PLEKHA6: variants seen among roughly 807,000 people sequenced by gnomAD.
PLEKHA6 encodes the protein pleckstrin homology domain-containing family A member 6.
Under a neutral mutation model 116.7 loss-of-function variants are expected in PLEKHA6, and 60 were observed. The observed-to-expected ratio is 0.51, with a 90% CI of 0.42 to 0.64. PLEKHA6 has a LOEUF of 0.64. Among genes scored for constraint, PLEKHA6 ranks in the 30% least tolerant of loss-of-function variants. PLEKHA6 has a pLI of 0.00. For synonymous variants in PLEKHA6, 489 were observed against 556.1 expected, an observed-to-expected ratio of 0.88 and a Z score of 1.70; for missense variants, 1,338 against 1,422.7, an observed-to-expected ratio of 0.94 and a Z score of 0.96.
rs536891647 is a variant in PLEKHA6 at position 204,264,853 on chromosome 1, G to A, written c.381+89C>T. The A allele has an allele frequency of 3.1e-5, 30 of 960,178 alleles. No homozygotes were observed. In the Admixed American group the frequency reaches 4.1e-4, roughly 13 times the overall value. The allele number at this position is 960,178 out of a possible 1,614,324, so 59.5% of individuals were successfully genotyped here. On this transcript the variant is annotated intron_variant, in intron 6 of 22. Coordinates refer to ENST00000272203, the MANE Select transcript of PLEKHA6 (RefSeq NM_014935.5). ...ACCACCACCTGGGATTCCTTAGAGC[G>A]ATGGCTCTTGGCCCTTCTCCATTCC...
Position 204,277,446 on chromosome 1 carries a change from C to T in PLEKHA6, c.-94-2637G>A, listed in dbSNP as rs759101285. Among the ~76,000 whole-genome samples, 15 of 152,140 alleles carry T rather than the reference C, an allele frequency of 9.9e-5. No individual in the cohort carries two copies. Among genetic ancestry groups the T allele is most frequent in the African/African-American group, 1.9e-4 (8 of 41,438 alleles). On this transcript the variant is annotated intron_variant, in intron 1 of 22. Coordinates refer to ENST00000272203, the MANE Select transcript of PLEKHA6 (RefSeq NM_014935.5). This position sits in a 1 kb window ranked among gnomAD's most constrained non-coding sequence, Gnocchi z 4.1. ...TAGTCCGACCTCAGTGAGCTAAGGA[C>T]GCAGAGTAGCTGGACGGGTGAAGGA... is the stretch of plus-strand genomic sequence containing the variant.
chr1:204,271,018 A>C (rs182988304), intron 3 of PLEKHA6, among the ~76,000 whole-genome samples: 3 of 152,240 alleles, frequency 2.0e-5, no homozygotes, highest in African/African-American at 7.2e-5. Flanking sequence ...TTAGCTGCAC[A>C]CTACTCTCCA....
chr1:204,352,693 A>T (rs1035419939), intron 1 of PLEKHA6, among the ~76,000 whole-genome samples: 1 of 152,040 alleles, frequency 6.6e-6, no homozygotes. Flanking sequence ...GAGTTTAAAA[A>T]TTTTTTTTTG....
At chr1:204,271,542 C>T (rs1443588692) in intron 3 of PLEKHA6, among the ~76,000 whole-genome samples, 2 of 152,214 alleles carry the variant, frequency 1.3e-5, no homozygotes, top group African/African-American at 4.8e-5. Context: ...CTAAATCCTT[C>T]CCTTTTCTCT....
chr1:204,366,370 A>G (rs1429239937), intron 3 of PLEKHA6, among the ~76,000 whole-genome samples: 2 of 152,166 alleles, frequency 1.3e-5, no homozygotes, highest in African/African-American at 4.8e-5. Flanking sequence ...GAAGAGCAGG[A>G]AGAAGAGGAG....
At position 204,359,683 on chromosome 1, in the gene PLEKHA6, A is replaced by AACAGACTC. The variant is rs1673514594; in HGVS notation, c.-95+3_-95+10dup. 1.0e-6 allele frequency: 1 copy of AACAGACTC among 981,088 alleles called. No individual in the cohort carries two copies. The highest frequency in any genetic ancestry group is 1.1e-4 in the East Asian group (1 of 8,774). The allele number at this position is 981,088 out of a possible 1,614,324, so 60.8% of individuals were successfully genotyped here. On this transcript the variant is annotated intron_variant, in intron 1 of 22. Transcript: ENST00000272203. ...CCACCTCATCTATGTGATGCATGAA[A>AACAGACTC]ACAGACTCACCGGCTTCTGAGGTGT...
intron 18 of PLEKHA6, 69 bp from the exon 19 acceptor site, chr1:204,229,173 G>GTA (rs2102419296): frequency 6.7e-7 from 1 of 1,491,808 alleles, no homozygotes; most frequent in South Asian, 1.2e-5. Context: ...GCTATGCCCT[G>GTA]TCCTCGCTTT....
At chr1:204,295,560 T>C (rs1051666335) in intron 1 of PLEKHA6, among the ~76,000 whole-genome samples, 1 of 151,262 alleles carries the variant, frequency 6.6e-6, no homozygotes, top group African/African-American at 2.4e-5. Context: ...ATAAGGTGTG[T>C]AGCAAGTCCT....
At position 204,220,700 on chromosome 1, in the gene PLEKHA6, G is replaced by A. The variant is rs1237425035; in HGVS notation, c.*2088C>T. 3 of 152,420 alleles carry A rather than the reference G, an allele frequency of 2.0e-5. No individual in the cohort carries two copies. The highest frequency in any genetic ancestry group is 2.9e-5 in the Non-Finnish European group (2 of 68,020). 9.4% of individuals were successfully genotyped at this position (152,420 alleles called of 1,614,324 possible). A position where few individuals can be genotyped will look rare whatever the true frequency, so the allele number is the denominator to read the frequency against. Reference sequence around the variant, plus strand: ...AAAACAGGCCTGGGCAGGAACTGTAGGAAAAGATCAGACATCCAAACAAAT... The same window carrying A: ...AAAACAGGCCTGGGCAGGAACTGTAAGAAAAGATCAGACATCCAAACAAAT... On this transcript the variant is annotated 3_prime_UTR_variant, in exon 23 of 23. Coordinates refer to ENST00000272203, the MANE Select transcript of PLEKHA6 (RefSeq NM_014935.5).
intron 1 of PLEKHA6, among the ~76,000 whole-genome samples, chr1:204,286,605 G>T (rs558235156): frequency 1.3e-5 from 2 of 152,108 alleles, no homozygotes; most frequent in African/African-American, 4.8e-5. Context: ...CACAATTTGC[G>T]GGCCCCTTGT....
At chr1:204,251,263 T>C (rs965888409) in intron 9 of PLEKHA6, among the ~76,000 whole-genome samples, 1 of 152,204 alleles carries the variant, frequency 6.6e-6, no homozygotes, top group African/African-American at 2.4e-5. Flanking sequence ...AATCAGAACA[T>C]TCAAGAGCAG....
chr1:204,288,688 T>C (rs1669445746), intron 1 of PLEKHA6, among the ~76,000 whole-genome samples: 1 of 152,198 alleles, frequency 6.6e-6, no homozygotes, highest in Non-Finnish European at 1.5e-5. Context: ...AGTGAACTAA[T>C]TCTTGAAGCT....
intron 1 of PLEKHA6, among the ~76,000 whole-genome samples, chr1:204,316,167 C>T (rs1038506577): frequency 1.3e-5 from 2 of 152,300 alleles, no homozygotes; most frequent in South Asian, 4.2e-4. Flanking sequence ...AAGGCTCACT[C>T]CCAGTGGGAG....
rs551380955 is a variant in PLEKHA6, at chr1:204,235,866, C to T, written c.2410-5280G>A. ...CCACCTTTGTCTGAGAAGGTAAACC[C>T]TGTGCTGCCAGAGGCAACAGTCAAG... On this transcript the variant is annotated intron_variant, in intron 17 of 22. Transcript: ENST00000272203. 4.6e-5 allele frequency among the ~76,000 whole-genome samples: 7 copies of T among 152,292 alleles called. No homozygotes were observed. The South Asian group carries it at 1.2e-3, about 27-fold the overall frequency.
chr1:204,269,576 C>T (rs956854442), intron 3 of PLEKHA6, among the ~76,000 whole-genome samples: 2 of 151,720 alleles, frequency 1.3e-5, no homozygotes, highest in African/African-American at 4.8e-5. Flanking sequence ...CCCCGACCTC[C>T]CCTGCCTCTG....
intron 1 of PLEKHA6, among the ~76,000 whole-genome samples, chr1:204,295,884 A>C (rs1670227000): frequency 6.6e-6 from 1 of 152,206 alleles, no homozygotes; most frequent in Admixed American, 6.5e-5. Flanking sequence ...CCTGTGACAA[A>C]GCCAGAGCCA....
intron 13 of PLEKHA6, among the ~76,000 whole-genome samples, chr1:204,246,723 C>T (rs1251853727): frequency 1.3e-5 from 2 of 152,226 alleles, no homozygotes; most frequent in Non-Finnish European, 2.9e-5. Flanking sequence ...TGCCTCCAGG[C>T]AGACTGTTTC....
chr1:204,337,803 G>A (rs1462628281), intron 1 of PLEKHA6, among the ~76,000 whole-genome samples: 2 of 152,196 alleles, frequency 1.3e-5, no homozygotes, highest in Non-Finnish European at 2.9e-5. Context: ...ATAGTCATAT[G>A]TATGCTGGTG....
chr1:204,237,478 C>T (rs1288407581), intron 17 of PLEKHA6, among the ~76,000 whole-genome samples: 1 of 152,218 alleles, frequency 6.6e-6, no homozygotes, highest in African/African-American at 2.4e-5. Flanking sequence ...TCAACTCTCC[C>T]ATTTGGCCTG....
Sources: gnomAD v4.1 joint callset for allele counts (sites outside exome capture counted in the v4.1 genomes callset) on GRCh38, gnomAD v4.1.1 for gene constraint, Gnocchi (gnomAD v3.1) non-coding constraint, MANE v1.5 for transcripts, NCBI Gene and HGNC (gene_info 2026-07-23, HGNC 2026-07-21) for gene names.